RBPJL: variants seen among roughly 807,000 people sequenced by gnomAD.
RBPJL encodes recombining binding protein suppressor of hairless-like protein.
RBPJL carries 50 observed loss-of-function variants against 57.6 expected under a neutral mutation model. That is an observed-to-expected ratio of 0.87 (90% CI 0.69 to 1.10). The LOEUF (loss-of-function observed/expected upper bound fraction) is 1.10. Among genes scored for constraint, RBPJL ranks in the 50% least tolerant of loss-of-function variants. The probability of loss-of-function intolerance (pLI) is 0.00; values close to 1 mark genes in which losing one functional copy is unlikely to be tolerated. For missense variants in RBPJL, 684 were observed against 693.7 expected (o/e 0.99, Z 0.16); for synonymous variants, 303 against 294.4 (o/e 1.03, Z -0.30).
At position 45,316,185 on chromosome 20, in the gene RBPJL, A is replaced by G; in HGVS notation, c.1021-2A>G. 2 of 1,613,040 alleles carry G rather than the reference A, an allele frequency of 1.2e-6. No individual in the cohort carries two copies. The highest frequency in any genetic ancestry group is 2.2e-5 in the South Asian group (2 of 91,070). ...GCCTCGTCCCCTTGGGTCTCCTCCC[A>G]GGCCTCTCCCTGCCCCAAGGAGGCG... On this transcript the variant is annotated splice_acceptor_variant, in intron 9 of 11. Transcript: ENST00000343694. LOFTEE classifies it high-confidence loss of function.
rs373490352 is a variant in RBPJL at position 45,314,419 on chromosome 20, C to T, written c.874C>T (p.Arg292Cys). ...TACCATCCTTCCATTGCAGATCATC[C>T]GTAAAGTAGCAAAACAGTGTGCGCT... ...TGITLPPMII[R>C]KVAKQCALLD... The change falls in exon 9 of 12, where the codon CGT (arginine) becomes TGT (cysteine). Residue 292 changes from arginine to cysteine, a missense_variant. Physicochemically the swap from Arg to Cys is radical, Grantham distance 180. Coordinates refer to ENST00000343694, the MANE Select transcript of RBPJL (RefSeq NM_014276.4). The T allele has an allele frequency of 5.1e-5, 82 of 1,612,964 alleles. No individual in the cohort carries two copies. The highest frequency in any genetic ancestry group is 4.3e-4 in the Admixed American group (26 of 59,944).
Position 45,312,257 on chromosome 20 carries a change from G to A in RBPJL, c.481G>A (p.Ala161Thr). ...CGCCAAGACCCTGTACATCTCAGATGCAGACAAGAGGAAGCACTTTCGGCT... is the reference window on the plus strand; with the variant it reads ...CGCCAAGACCCTGTACATCTCAGATACAGACAAGAGGAAGCACTTTCGGCT... The part of the protein sequence containing the change: ...GCAKTLYISD[A>T]DKRKHFRLVL... The change falls in exon 6 of 12, where the codon GCA (alanine) becomes ACA (threonine). Residue 161 changes from alanine to threonine, a missense_variant. Transcript: ENST00000343694. 1.9e-6 allele frequency: 3 copies of A among 1,614,280 alleles called. 1 individual carries two copies. The South Asian group carries it at 3.3e-5, about 18-fold the overall frequency.
intron 2 of RBPJL, among the ~76,000 whole-genome samples, chr20:45,308,757 C>A (rs997280157): frequency 6.6e-6 from 1 of 151,898 alleles, no homozygotes; most frequent in Admixed American, 6.6e-5. Context: ...AACCTGCTAA[C>A]CCCCCAAATC....
rs1379580175 is a variant in RBPJL, at chr20:45,316,965, C to T, written c.*6C>T. On this transcript the variant is annotated 3_prime_UTR_variant, in exon 12 of 12. Coordinates refer to ENST00000343694, the MANE Select transcript of RBPJL (RefSeq NM_014276.4). ...ACCTCTTCATCCAGACTTAGGCGCG[C>T]CCGGTAGCCCCGGCTGCCCACCCTG... 2 of 1,606,030 alleles carry T rather than the reference C, an allele frequency of 1.2e-6. No homozygotes were observed. The highest frequency in any genetic ancestry group is 1.7e-5 in the Admixed American group (1 of 59,630).
intron 2 of RBPJL, 70 bp downstream of exon 2, chr20:45,308,321 C>G: frequency 9.6e-7 from 1 of 1,043,038 alleles, no homozygotes; most frequent in South Asian, 1.3e-5. Flanking sequence ...AGGCAACGGC[C>G]GCATTTAACC....
rs533358769 is a variant in RBPJL at position 45,308,222 on chromosome 20, C to T, written c.102C>T (p.Asp34=). ...RSEMQLQSEA[D]RRSLPGTWTR... The stretch of plus-strand genomic sequence containing the variant: ...AGATGCAGCTGCAGAGCGAAGCCGA[C>T]AGGCGGAGCCTCCCGGGCACTTGGA... Residue 34 remains aspartate (D), a synonymous_variant, in exon 2 of 12, where the codon GAC becomes GAT. Transcript: ENST00000343694. 8 of 1,613,808 alleles carry T rather than the reference C, an allele frequency of 5.0e-6. No homozygotes were observed. In the African/African-American group the frequency reaches 9.3e-5, roughly 19 times the overall value.
intron 3 of RBPJL, 96 bp from the exon 4 acceptor site, chr20:45,311,493 G>T (rs1025327667): frequency 1.7e-6 from 2 of 1,156,378 alleles, no homozygotes; most frequent in Non-Finnish European, 2.6e-6. Flanking sequence ...AGGAGGAAAC[G>T]AAGGTTCTGC....
chr20:45,311,883 G>T lies in RBPJL; in HGVS notation c.373G>T (p.Gly125Ter). The T allele has an allele frequency of 6.4e-7, 1 of 1,551,716 alleles. No homozygotes were observed. Among genetic ancestry groups the T allele is most frequent in the Non-Finnish European group, 8.7e-7 (1 of 1,147,072 alleles). The change falls in exon 5 of 12, where the codon GGA becomes TGA. Residue 125 changes from glycine (G) to a stop codon, truncating the protein, a stop_gained. Coordinates refer to ENST00000343694, the MANE Select transcript of RBPJL (RefSeq NM_014276.4). LOFTEE classifies it high-confidence loss of function. The part of the protein sequence containing the change: ...ETGPTVCGYM[G>*]LDSASGSATE... ...GGGGCCCACGGTCTGCGGTTACATG[G>T]GACTGGACAGCGCGTCCGGCAGCGC...
rs1404533980 is a variant in RBPJL, at chr20:45,316,494, C to T, written c.1194C>T (p.Asp398=). The change falls in exon 11 of 12, where the codon GAC becomes GAT. Residue 398 remains aspartate (D), a synonymous_variant. Transcript: ENST00000343694. ...ISTLELSGGG[D]VATLELHGEN... ...TCCCCCAGCTGAGCGGCGGGGGCGA[C>T]GTGGCCACGCTGGAGCTCCACGGAG... The T allele has an allele frequency of 2.6e-6, 4 of 1,546,282 alleles. No homozygotes were observed. The highest frequency in any genetic ancestry group is 4.9e-5 in the East Asian group (2 of 40,906).
chr20:45,317,553 C>G lies in RBPJL; in HGVS notation c.*594C>G, dbSNP rs1987533260. The G allele has an allele frequency of 6.5e-6, 1 of 152,684 alleles. No individual in the cohort carries two copies. Among genetic ancestry groups the G allele is most frequent in the Non-Finnish European group, 1.5e-5 (1 of 68,464 alleles). The allele number at this position is 152,684 out of a possible 1,614,324, so 9.5% of individuals were successfully genotyped here. On this transcript the variant is annotated 3_prime_UTR_variant, in exon 12 of 12. Coordinates refer to ENST00000343694, the MANE Select transcript of RBPJL (RefSeq NM_014276.4). ...TCTCACCTGGGGAATTCGGTCCCAC[C>G]TGGGGCACCAGTTCCCACCTAGAGC...
At chr20:45,313,731 C>T in intron 7 of RBPJL, 126 bp downstream of exon 7, 1 of 992,854 alleles carries the variant, frequency 1.0e-6, no homozygotes, top group Non-Finnish European at 1.4e-6. Flanking sequence ...CACAAAAAGA[C>T]TTGACTACAG....
chr20:45,315,183 C>T (rs529106336), intron 9 of RBPJL, among the ~76,000 whole-genome samples: 5 of 152,002 alleles, frequency 3.3e-5, no homozygotes, highest in African/African-American at 7.2e-5. Context: ...AAAGACTATT[C>T]GAAGCACAGA....
At chr20:45,313,983 A>G (rs1172729983) in intron 7 of RBPJL, 52 bp from the exon 8 acceptor site, 6 of 1,333,460 alleles carry the variant, frequency 4.5e-6, no homozygotes, top group Non-Finnish European at 6.5e-6. Flanking sequence ...GGTTTAAGGC[A>G]GAAGCTTGGG....
At position 45,311,678 on chromosome 20, in the gene RBPJL, G is replaced by T. The variant is rs771866269; in HGVS notation, c.328+19G>T. 2 of 1,613,278 alleles carry T rather than the reference G, an allele frequency of 1.2e-6. No individual in the cohort carries two copies. The highest frequency in any genetic ancestry group is 2.2e-5 in the South Asian group (2 of 91,014). ...GATCAAGGTGAGGGCGGAATCAAGG[G>T]CTGCCGGCCGCCTGCTCTGTAGGGA... On this transcript the variant is annotated intron_variant, in intron 4 of 11. Coordinates refer to ENST00000343694, the MANE Select transcript of RBPJL (RefSeq NM_014276.4).
chr20:45,315,066 A>G (rs1283143706), intron 9 of RBPJL, among the ~76,000 whole-genome samples: 1 of 152,038 alleles, frequency 6.6e-6, no homozygotes, highest in Non-Finnish European at 1.5e-5. Flanking sequence ...CTGGGTGACA[A>G]GAGCAAGACT....
chr20:45,312,916 G>C (rs1464586096), intron 6 of RBPJL, among the ~76,000 whole-genome samples: 1 of 150,962 alleles, frequency 6.6e-6, no homozygotes, highest in African/African-American at 2.4e-5. Flanking sequence ...GCTGAGATCA[G>C]AAGATCACTT....
Position 45,316,597 on chromosome 20 carries a change from C to T in RBPJL, c.1280+17C>T, listed in dbSNP as rs751995466. 2.0e-6 allele frequency: 3 copies of T among 1,517,614 alleles called. No individual in the cohort carries two copies. The highest frequency in any genetic ancestry group is 2.7e-6 in the Non-Finnish European group (3 of 1,131,084). 94.0% of individuals were successfully genotyped at this position (1,517,614 alleles called of 1,614,324 possible). The stretch of plus-strand genomic sequence containing the variant: ...CATGTACAGGTACGGGGTGGTGAGG[C>T]AGCCTCTCTTGGGCCCCGGGGAGCA... On this transcript the variant is annotated intron_variant, in intron 11 of 11. Coordinates refer to ENST00000343694, the MANE Select transcript of RBPJL (RefSeq NM_014276.4).
intron 2 of RBPJL, among the ~76,000 whole-genome samples, chr20:45,309,009 C>T (rs1986991500): frequency 6.6e-6 from 1 of 152,188 alleles, no homozygotes; most frequent in South Asian, 2.1e-4. Flanking sequence ...GGCTCAGATT[C>T]CCCCAGGCCA....
intron 7 of RBPJL, 24 bp from the exon 8 acceptor site, chr20:45,314,011 T>C: frequency 6.4e-7 from 1 of 1,558,540 alleles, no homozygotes; most frequent in Non-Finnish European, 8.9e-7. Flanking sequence ...GAAAACCTTG[T>C]CCCTTGCTTT....
Sources: gnomAD v4.1 joint callset for allele counts (sites outside exome capture counted in the v4.1 genomes callset) on GRCh38, gnomAD v4.1.1 for gene constraint, MANE v1.5 for transcripts, NCBI Gene and HGNC (gene_info 2026-07-23, HGNC 2026-07-21) for gene names.